Variants in SH3KBP1 observed in about 807,000 individuals in gnomAD.
SH3KBP1 encodes the protein SH3 domain containing kinase binding protein 1, also known as SH3 domain-containing kinase-binding protein 1.
SH3KBP1 carries 8 observed loss-of-function variants against 50.1 expected under a neutral mutation model. The ratio of observed to expected loss-of-function variants is 0.16; its 90% CI spans 0.09 to 0.29. SH3KBP1 has a LOEUF of 0.29. Among genes scored for constraint, SH3KBP1 ranks in the 10% least tolerant of loss-of-function variants. The pLI is 1.00. For synonymous variants in SH3KBP1, 227 were observed against 218.6 expected, an observed-to-expected ratio of 1.04 and a Z score of -0.34; for missense variants, 377 against 535.2, an observed-to-expected ratio of 0.70 and a Z score of 2.92.
chrX:19,709,255 T>C (rs2063722717), intron 3 of SH3KBP1, among the ~76,000 whole-genome samples: 2 of 111,819 alleles, frequency 1.8e-5, no homozygotes, highest in Admixed American at 1.9e-4. Context: ...ACTGCCAACA[T>C]GCCAAAGAGT....
chrX:19,773,900 T>A (rs1351107616), intron 2 of SH3KBP1, among the ~76,000 whole-genome samples: 2 of 105,784 alleles, frequency 1.9e-5, no homozygotes, highest in Non-Finnish European at 3.9e-5. Context: ...TCATCATTTT[T>A]CTGGACTGGT....
intron 6 of SH3KBP1, among the ~76,000 whole-genome samples, chrX:19,671,662 T>C (rs1006416333): frequency 8.9e-6 from 1 of 112,485 alleles, no homozygotes; most frequent in Non-Finnish European, 1.9e-5. Context: ...AGCTACTTCC[T>C]GGCTTTGTGA....
At chrX:19,649,832 G>A (rs1244352437) in intron 6 of SH3KBP1, among the ~76,000 whole-genome samples, 1 of 111,989 alleles carries the variant, frequency 8.9e-6, no homozygotes, top group Non-Finnish European at 1.9e-5. Flanking sequence ...AAAGGCAATC[G>A]CTGGATTGGA....
chrX:19,770,435 T>C (rs918221109), intron 2 of SH3KBP1, among the ~76,000 whole-genome samples: 5 of 112,474 alleles, frequency 4.4e-5, no homozygotes, highest in Non-Finnish European at 9.4e-5. Flanking sequence ...CTTTATCCAA[T>C]CTATCACTAA....
At chrX:19,674,113 T>C (rs1192937971) in intron 6 of SH3KBP1, among the ~76,000 whole-genome samples, 1 of 111,825 alleles carries the variant, frequency 8.9e-6, no homozygotes, top group Admixed American at 9.5e-5. Context: ...TAATGACTTT[T>C]ATACATACCC....
chrX:19,687,517 G>T, intron 5 of SH3KBP1: 1 of 639,775 alleles, frequency 1.6e-6, no homozygotes, highest in Non-Finnish European at 2.6e-6. Flanking sequence ...ACAGACACTT[G>T]GCATAAGCAT....
At chrX:19,618,567 T>C (rs986467179) in intron 8 of SH3KBP1, among the ~76,000 whole-genome samples, 2 of 111,249 alleles carry the variant, frequency 1.8e-5, no homozygotes, top group Non-Finnish European at 3.8e-5. Flanking sequence ...ATTTATTGAT[T>C]TCATAATTTC....
At chrX:19,689,048 G>A (rs1461571659) in intron 5 of SH3KBP1, among the ~76,000 whole-genome samples, 1 of 112,023 alleles carries the variant, frequency 8.9e-6, no homozygotes, top group African/African-American at 3.2e-5. Context: ...TCCAATTTCC[G>A]TGTCCTACAG....
intron 5 of SH3KBP1, among the ~76,000 whole-genome samples, chrX:19,684,990 T>C (rs2063133995): frequency 8.9e-6 from 1 of 112,539 alleles, no homozygotes; most frequent in African/African-American, 3.2e-5. Flanking sequence ...ATGGTCAGTA[T>C]ATCAATTATG....
In SH3KBP1 at chrX:19,760,022, TCCTCTCTCTCTCTCTCTC is replaced by T. The variant is rs1190903565; in HGVS notation, c.163-13599_163-13582del. Among the ~76,000 whole-genome samples, 392 of 83,767 alleles carry T rather than the reference TCCTCTCTCTCTCTCTCTC, an allele frequency of 4.7e-3. 6 individuals are homozygous for T. Among genetic ancestry groups the T allele is most frequent in the African/African-American group, 0.018 (343 of 19,378 alleles). 72.7% of individuals were successfully genotyped at this position (83,767 alleles called of 115,157 possible). A position where few individuals can be genotyped will look rare whatever the true frequency, so the allele number is the denominator to read the frequency against. On this transcript the variant is annotated intron_variant, in intron 2 of 17. Coordinates refer to ENST00000397821, the MANE Select transcript of SH3KBP1 (RefSeq NM_031892.3). ...AAATCAGTCTCGGTCTCTCTCTCTC[TCCTCTCTCTCTCTCTCTC>T]CCTCTCTCTCTCTCTCTCTCTCTCT...
chrX:19,826,234 T>TATC (rs1484905635), intron 2 of SH3KBP1, among the ~76,000 whole-genome samples: 1 of 112,183 alleles, frequency 8.9e-6, no homozygotes, highest in Non-Finnish European at 1.9e-5. Context: ...GAGCTAAAAC[T>TATC]ATCATCCTCT....
intron 2 of SH3KBP1, among the ~76,000 whole-genome samples, chrX:19,807,205 G>A (rs2067073583): frequency 8.9e-6 from 1 of 112,005 alleles, no homozygotes. Flanking sequence ...TTACAAACAA[G>A]ATCTAACAGA....
chrX:19,785,447 G>T (rs1402991227), intron 2 of SH3KBP1, among the ~76,000 whole-genome samples: 1 of 110,501 alleles, frequency 9.0e-6, no homozygotes, highest in Non-Finnish European at 1.9e-5. Context: ...AGCATCACTT[G>T]AGCCAGAGAG....
chrX:19,766,462 C>T (rs1157076709), intron 2 of SH3KBP1, among the ~76,000 whole-genome samples: 1 of 78,122 alleles, frequency 1.3e-5, no homozygotes, highest in Non-Finnish European at 2.4e-5. Flanking sequence ...TCAGATTGCA[C>T]TTTGAGTCTG....
At chrX:19,766,142 G>T (rs754376667) in intron 2 of SH3KBP1, among the ~76,000 whole-genome samples, 2 of 111,184 alleles carry the variant, frequency 1.8e-5, no homozygotes, top group South Asian at 7.6e-4. Context: ...AGTATATAAA[G>T]GTTTCAATTG....
At chrX:19,757,595 A>C (rs1292029579) in intron 2 of SH3KBP1, among the ~76,000 whole-genome samples, 1 of 107,467 alleles carries the variant, frequency 9.3e-6, no homozygotes. Flanking sequence ...TCACCGAGCC[A>C]GACAAAGACA....
intron 3 of SH3KBP1, among the ~76,000 whole-genome samples, chrX:19,714,841 G>A (rs1030290038): frequency 8.9e-5 from 10 of 112,379 alleles, no homozygotes; most frequent in Non-Finnish European, 1.9e-4. Flanking sequence ...CTAGATAATA[G>A]CATGTTAATG....
chrX:19,732,734 T>C (rs2064418295), intron 3 of SH3KBP1, among the ~76,000 whole-genome samples: 1 of 111,243 alleles, frequency 9.0e-6, no homozygotes, highest in African/African-American at 3.3e-5. Flanking sequence ...TGAAAACTAG[T>C]GACTGATAGG....
chrX:19,800,946 C>T (rs916613695), intron 2 of SH3KBP1, among the ~76,000 whole-genome samples: 3 of 111,326 alleles, frequency 2.7e-5, no homozygotes, highest in Admixed American at 9.6e-5. Context: ...GTCAGGAACC[C>T]TCAGTGAGCA....
Sources: allele counts gnomAD v4.1 joint callset (sites outside exome capture counted in the v4.1 genomes callset), GRCh38; gene constraint gnomAD v4.1.1; transcripts MANE v1.5; gene names NCBI Gene and HGNC (gene_info 2026-07-23, HGNC 2026-07-21).